The following LUZP2 variants were observed in gnomAD, a reference collection of about 807,000 sequenced individuals.
LUZP2 encodes the protein leucine zipper protein 2.
A neutral mutation model predicts 51.6 loss-of-function variants in LUZP2; 52 were observed. The ratio of observed to expected loss-of-function variants is 1.01; its 90% confidence interval spans 0.81 to 1.27. LUZP2 has a LOEUF of 1.27. Among genes scored for constraint, LUZP2 ranks in the 50% most tolerant of loss-of-function variants. The probability of loss-of-function intolerance (pLI) is 0.00; values close to 1 mark genes in which losing one functional copy is unlikely to be tolerated. For synonymous variants in LUZP2, 154 were observed against 137.3 expected (o/e 1.12, Z -0.85); for missense variants, 436 against 395.4 (o/e 1.10, Z -0.87).
chr11:24,718,109 A>G (rs1257155407), intron 1 of LUZP2, among the ~76,000 whole-genome samples: 5 of 152,232 alleles, frequency 3.3e-5, no homozygotes, highest in South Asian at 4.1e-4. Flanking sequence ...ATAGAGAGAA[A>G]GGAAACAGGA....
intron 1 of LUZP2, among the ~76,000 whole-genome samples, chr11:24,650,143 G>A (rs1405396376): frequency 2.0e-5 from 3 of 148,696 alleles, no homozygotes; most frequent in African/African-American, 7.4e-5. Flanking sequence ...TGGTGTAGAT[G>A]TGGTAATGTT....
At chr11:24,898,485 G>A (rs902824355) in intron 5 of LUZP2, among the ~76,000 whole-genome samples, 2 of 152,154 alleles carry the variant, frequency 1.3e-5, no homozygotes, top group African/African-American at 4.8e-5. Context: ...TTAGCTGGGC[G>A]TGGTGGTGGG....
chr11:24,598,161 C>T (rs1402703621), intron 1 of LUZP2, among the ~76,000 whole-genome samples: 1 of 149,696 alleles, frequency 6.7e-6, no homozygotes, highest in African/African-American at 2.5e-5. Flanking sequence ...CTGTAGATAA[C>T]AAAATTGTTG....
chr11:24,969,164 C>T (rs1409225836), intron 7 of LUZP2, among the ~76,000 whole-genome samples: 1 of 152,116 alleles, frequency 6.6e-6, no homozygotes, highest in Admixed American at 6.6e-5. Context: ...TTCTACTCCT[C>T]CTGCCCACTC....
At chr11:25,031,008 TATATA>T (rs1565255338) in intron 9 of LUZP2, among the ~76,000 whole-genome samples, 428 of 5,028 alleles carry the variant, frequency 0.085, 94 homozygotes, top group East Asian at 0.51. Context: ...TATATATATA[TATATA>T]TATTTTTTTT....
intron 1 of LUZP2, among the ~76,000 whole-genome samples, chr11:24,530,043 T>C (rs1850944906): frequency 6.6e-6 from 1 of 150,968 alleles, no homozygotes; most frequent in African/African-American, 2.4e-5. Flanking sequence ...AGTGGAAATG[T>C]CCTATAAAAC....
Position 25,045,728 on chromosome 11 carries a change from T to C in LUZP2, c.766-4310T>C, listed in dbSNP as rs192540338. 3.1e-4 allele frequency among the ~76,000 whole-genome samples: 47 copies of C among 152,282 alleles called. 1 individual carries two copies. Among genetic ancestry groups the C allele is most frequent in the African/African-American group, 8.9e-4 (37 of 41,584 alleles). On this transcript the variant is annotated intron_variant, in intron 9 of 11. Transcript: ENST00000336930. ...CATTGCTGAGCCTGTTATTACTCTT[T>C]TGAGCTTTCATAACTGGTTGATGTT...
At chr11:24,765,290 G>A (rs1476617957) in intron 5 of LUZP2, among the ~76,000 whole-genome samples, 1 of 152,084 alleles carries the variant, frequency 6.6e-6, no homozygotes, top group Non-Finnish European at 1.5e-5. Context: ...GAAAAAAACA[G>A]GTAAATTGAT....
At chr11:24,502,237 A>T (rs1850017585) in intron 1 of LUZP2, among the ~76,000 whole-genome samples, 1 of 152,236 alleles carries the variant, frequency 6.6e-6, no homozygotes, top group Non-Finnish European at 1.5e-5. Flanking sequence ...GAAAAAATAT[A>T]GATACAAATC....
intron 1 of LUZP2, among the ~76,000 whole-genome samples, chr11:24,512,897 A>C (rs1850356636): frequency 6.6e-6 from 1 of 151,856 alleles, no homozygotes; most frequent in African/African-American, 2.4e-5. Flanking sequence ...CTGCAGGCAC[A>C]TGCTGCCACG....
chr11:24,675,413 T>C (rs1434090415), intron 1 of LUZP2, among the ~76,000 whole-genome samples: 1 of 152,236 alleles, frequency 6.6e-6, no homozygotes, highest in African/African-American at 2.4e-5. Flanking sequence ...AATTAGATGG[T>C]CAAATTTTTG....
chr11:24,920,611 A>C (rs1337894381), intron 7 of LUZP2, among the ~76,000 whole-genome samples: 2 of 152,110 alleles, frequency 1.3e-5, no homozygotes, highest in Admixed American at 1.3e-4. Flanking sequence ...AACTATAAAA[A>C]ATAAAATCAT....
rs915450954 is a variant in LUZP2, at chr11:25,048,277, C to G, written c.766-1761C>G. On this transcript the variant is annotated intron_variant, in intron 9 of 11. Coordinates refer to ENST00000336930, the MANE Select transcript of LUZP2 (RefSeq NM_001009909.4). ...TTCTTTGCTTAAATGTTTTCCTTCA[C>G]CTGGATGGCCTCCCTCATTCTTGCC... Among the ~76,000 whole-genome samples the G allele has an allele frequency of 5.3e-5, 8 of 152,154 alleles. 1 individual carries two copies. The highest frequency in any genetic ancestry group is 3.3e-4 in the Admixed American group (5 of 15,266).
chr11:24,864,590 G>T (rs547935640), intron 5 of LUZP2, among the ~76,000 whole-genome samples: 5 of 152,136 alleles, frequency 3.3e-5, no homozygotes, highest in Non-Finnish European at 7.4e-5. Context: ...GGCTGTGTCC[G>T]CATGGTGGCA....
chr11:24,717,972 A>C (rs1323747452), intron 1 of LUZP2, among the ~76,000 whole-genome samples: 6 of 152,178 alleles, frequency 3.9e-5, no homozygotes, highest in Admixed American at 3.9e-4. Flanking sequence ...TTTGTACCAC[A>C]CTTTCGTTAT....
rs988004772 is a variant in LUZP2 at position 24,654,193 on chromosome 11, G to C, written c.63-74976G>C. Among the ~76,000 whole-genome samples, 4 of 152,264 alleles carry C rather than the reference G, an allele frequency of 2.6e-5. No homozygotes were observed. In the South Asian group the frequency reaches 6.2e-4, roughly 24 times the overall value. On this transcript the variant is annotated intron_variant, in intron 1 of 11. Coordinates refer to ENST00000336930, the MANE Select transcript of LUZP2 (RefSeq NM_001009909.4). ...TGACAATATATAGATACATAAGCCA[G>C]TTGGTAAGAACTTAAGAGAATTCCT...
Position 24,968,813 on chromosome 11 carries a change from G to A in LUZP2, c.523-7778G>A, listed in dbSNP as rs775498609. Among the ~76,000 whole-genome samples the A allele has an allele frequency of 4.6e-5, 7 of 152,252 alleles. No homozygotes were observed. The East Asian group carries it at 5.8e-4, about 13-fold the overall frequency. On this transcript the variant is annotated intron_variant, in intron 7 of 11. Coordinates refer to ENST00000336930, the MANE Select transcript of LUZP2 (RefSeq NM_001009909.4). ...TGATCATCTTGGGCCATTGCTCTTCGCACCTTGGTTAAGAAATTGCCATCA... is the reference window on the plus strand; with the variant it reads ...TGATCATCTTGGGCCATTGCTCTTCACACCTTGGTTAAGAAATTGCCATCA...
At chr11:25,018,343 A>G (rs182603673) in intron 9 of LUZP2, among the ~76,000 whole-genome samples, 2 of 151,950 alleles carry the variant, frequency 1.3e-5, no homozygotes, top group East Asian at 3.9e-4. Flanking sequence ...TCCTTTCCAA[A>G]CTTTATTCTT....
chr11:24,924,645 T>A (rs1854173195), intron 7 of LUZP2, among the ~76,000 whole-genome samples: 1 of 152,154 alleles, frequency 6.6e-6, no homozygotes, highest in African/African-American at 2.4e-5. Context: ...CCTTAGAAAA[T>A]CCTGAGAATG....
Sources: gnomAD v4.1 joint callset for allele counts (sites outside exome capture counted in the v4.1 genomes callset) on GRCh38, gnomAD v4.1.1 for gene constraint, MANE v1.5 for transcripts, NCBI Gene and HGNC (gene_info 2026-07-23, HGNC 2026-07-21) for gene names.